Variants in CEP85L observed in about 807,000 individuals in gnomAD.
CEP85L encodes centrosomal protein 85L, also known as centrosomal protein of 85 kDa-like.
Under a neutral mutation model 100.3 loss-of-function variants are expected in CEP85L, and 60 were observed. The ratio of observed to expected loss-of-function variants is 0.60; its 90% CI spans 0.49 to 0.74. The LOEUF is 0.74. Among genes scored for constraint, CEP85L ranks in the 30% least tolerant of loss-of-function variants. The pLI is 0.00. For synonymous variants in CEP85L, 319 were observed against 322.7 expected, an observed-to-expected ratio of 0.99 and a Z score of 0.12; for missense variants, 973 against 936.2, an observed-to-expected ratio of 1.04 and a Z score of -0.51.
chr6:118,695,191 G>C (rs1182045368), intron 1 of CEP85L, among the ~76,000 whole-genome samples: 1 of 152,180 alleles, frequency 6.6e-6, no homozygotes, highest in Non-Finnish European at 1.5e-5. Flanking sequence ...GGCAATCTCA[G>C]CTTCTTATTC....
chr6:118,491,647 A>C (rs755532551), intron 6 of CEP85L, 39 bp downstream of exon 6: 1 of 1,590,538 alleles, frequency 6.3e-7, no homozygotes, highest in Non-Finnish European at 8.6e-7. Context: ...TGCTGAGGAA[A>C]TGTTGTTGAC....
In CEP85L at chr6:118,592,395, T is replaced by C. The variant is rs144505447; in HGVS notation, c.233-26079A>G. The stretch of plus-strand genomic sequence containing the variant: ...TGTATTTTACCTCAAAAGGACTCCA[T>C]AATAAAAGAATTTTAAAATAAGTTA... On this transcript the variant is annotated intron_variant, in intron 2 of 12. Transcript: ENST00000368491. 5.9e-4 allele frequency among the ~76,000 whole-genome samples: 88 copies of C among 148,718 alleles called. 1 individual carries two copies. The East Asian group carries it at 0.017, about 28-fold the overall frequency.
At chr6:118,505,792 A>G (rs902424698) in intron 5 of CEP85L, among the ~76,000 whole-genome samples, 8 of 152,230 alleles carry the variant, frequency 5.3e-5, no homozygotes, top group Non-Finnish European at 1.0e-4. Flanking sequence ...ACTACTCTGC[A>G]TGATACGATA....
chr6:118,651,324 C>T lies in CEP85L; in HGVS notation c.-55G>A. On this transcript the variant is annotated 5_prime_UTR_variant, in exon 1 of 13. Coordinates refer to ENST00000368491, the MANE Select transcript of CEP85L (RefSeq NM_001042475.3). ...ACGCCCGACTCCTCACGTCCGTCCT[C>T]CTGCTTCTTCGGCGGCGGAAACTTG... The T allele has an allele frequency of 2.1e-6, 3 of 1,396,908 alleles. No homozygotes were observed. The highest frequency in any genetic ancestry group is 3.0e-5 in the South Asian group (2 of 66,622). The allele number at this position is 1,396,908 out of a possible 1,614,324, so 86.5% of individuals were successfully genotyped here. A position where few individuals can be genotyped will look rare whatever the true frequency, so the allele number is the denominator to read the frequency against.
At chr6:118,480,982 C>G (rs1006448920) in intron 8 of CEP85L, among the ~76,000 whole-genome samples, 11 of 151,790 alleles carry the variant, frequency 7.2e-5, no homozygotes, top group Non-Finnish European at 1.6e-4. Flanking sequence ...AGTAGAGTTG[C>G]ATTTCTCTTT....
At chr6:118,478,291 TTG>T (rs1310362804) in intron 10 of CEP85L, among the ~76,000 whole-genome samples, 1 of 152,068 alleles carries the variant, frequency 6.6e-6, no homozygotes, top group Non-Finnish European at 1.5e-5. Flanking sequence ...CAAACAAAAT[TTG>T]TCTTTTTAAA....
At chr6:118,641,645 G>A (rs1203534186) in intron 1 of CEP85L, among the ~76,000 whole-genome samples, 4 of 152,130 alleles carry the variant, frequency 2.6e-5, no homozygotes, top group Admixed American at 2.6e-4. Context: ...TTTGCATATC[G>A]ATAACATTAG....
chr6:118,550,266 T>TA (rs1322025663), intron 3 of CEP85L, among the ~76,000 whole-genome samples: 1 of 151,848 alleles, frequency 6.6e-6, no homozygotes, highest in African/African-American at 2.4e-5. Flanking sequence ...TATCTTTAAT[T>TA]AGTGAGATTA....
chr6:118,491,236 CACATAT>C (rs1270842625), intron 6 of CEP85L, among the ~76,000 whole-genome samples: 6 of 129,572 alleles, frequency 4.6e-5, no homozygotes, highest in South Asian at 5.3e-4. Flanking sequence ...CACACACACA[CACATAT>C]GCATGCATAT....
intron 8 of CEP85L, 53 bp from the exon 9 acceptor site, chr6:118,480,566 G>A: frequency 8.8e-7 from 1 of 1,140,726 alleles, no homozygotes; most frequent in Non-Finnish European, 1.3e-6. Context: ...GCTGATTTTG[G>A]TAATGATTTC....
chr6:118,476,582 A>C (rs939976516), intron 10 of CEP85L, among the ~76,000 whole-genome samples: 1 of 152,174 alleles, frequency 6.6e-6, no homozygotes, highest in Non-Finnish European at 1.5e-5. Context: ...CTTATGATCC[A>C]TTTTCCCACT....
At chr6:118,561,570 G>C (rs577127075) in intron 3 of CEP85L, among the ~76,000 whole-genome samples, 85 of 151,824 alleles carry the variant, frequency 5.6e-4, no homozygotes, top group Non-Finnish European at 1.1e-3. Context: ...TTCTACTATA[G>C]AATAAGTTCT....
chr6:118,524,333 A>G (rs1443666583), intron 3 of CEP85L, among the ~76,000 whole-genome samples: 2 of 152,092 alleles, frequency 1.3e-5, no homozygotes, highest in Admixed American at 6.5e-5. Flanking sequence ...AGTCCCAGCT[A>G]CTCGGGAGGC....
chr6:118,600,372 A>AGTGT (rs1562298193), intron 2 of CEP85L, among the ~76,000 whole-genome samples: 1 of 62,798 alleles, frequency 1.6e-5, no homozygotes, highest in African/African-American at 7.2e-5. Flanking sequence ...TGTGTGTGTA[A>AGTGT]CGCCATGGAG....
chr6:118,492,403 T>A (rs974954642), intron 5 of CEP85L, among the ~76,000 whole-genome samples: 1 of 152,160 alleles, frequency 6.6e-6, no homozygotes, highest in Non-Finnish European at 1.5e-5. Flanking sequence ...GTCCATCTTA[T>A]ATTCCCTATT....
upstream of CEP85L, chr6:118,651,752 T>C (rs1439832093): frequency 7.6e-5 from 75 of 986,440 alleles, no homozygotes; most frequent in Non-Finnish European, 9.0e-5. Context: ...CTTCGCCTCC[T>C]TGGCGGCGAC....
intron 10 of CEP85L, among the ~76,000 whole-genome samples, chr6:118,472,152 T>C (rs1554201411): frequency 2.0e-5 from 3 of 151,376 alleles, no homozygotes; most frequent in Non-Finnish European, 4.4e-5. Context: ...CTTTAAAAGA[T>C]AAGAGTTTTA....
intron 2 of CEP85L, among the ~76,000 whole-genome samples, chr6:118,609,798 C>A (rs1446285922): frequency 1.3e-5 from 2 of 151,858 alleles, no homozygotes; most frequent in Non-Finnish European, 2.9e-5. Context: ...GAAACAGAAA[C>A]CTTAACTGAC....
At chr6:118,558,341 G>C (rs1338686430) in intron 3 of CEP85L, among the ~76,000 whole-genome samples, 1 of 152,106 alleles carries the variant, frequency 6.6e-6, no homozygotes, top group East Asian at 1.9e-4. Flanking sequence ...TCTTTATTGA[G>C]AAGTTTGGTG....
Sources: gnomAD v4.1 joint callset for allele counts (sites outside exome capture counted in the v4.1 genomes callset) on GRCh38, gnomAD v4.1.1 for gene constraint, MANE v1.5 for transcripts, NCBI Gene and HGNC (gene_info 2026-07-23, HGNC 2026-07-21) for gene names.